The following PDE1C variants were observed in gnomAD, a reference collection of about 807,000 sequenced individuals.
PDE1C encodes dual specificity calcium/calmodulin-dependent 3',5'-cyclic nucleotide phosphodiesterase 1C.
In PDE1C, 62 loss-of-function variants were observed where a neutral mutation model predicts 93.1. The ratio of observed to expected loss-of-function variants is 0.67; its 90% CI spans 0.54 to 0.82. The LOEUF is 0.82. PDE1C is among the 40% of genes least tolerant of loss of function. PDE1C has a pLI of 0.00. For synonymous variants in PDE1C, 325 were observed against 310.1 expected, an observed-to-expected ratio of 1.05 and a Z score of -0.50; for missense variants, 742 against 884.6, an observed-to-expected ratio of 0.84 and a Z score of 2.04.
intron 3 of PDE1C, among the ~76,000 whole-genome samples, chr7:32,124,820 T>G (rs981438404): frequency 6.6e-6 from 1 of 152,146 alleles, no homozygotes; most frequent in African/African-American, 2.4e-5. Flanking sequence ...GGGCAAAGAT[T>G]TCATGATGAA....
intron 15 of PDE1C, among the ~76,000 whole-genome samples, chr7:31,813,356 G>T (rs1583438867): frequency 6.6e-6 from 1 of 152,250 alleles, no homozygotes; most frequent in South Asian, 2.1e-4. Flanking sequence ...CTGCCAGGGT[G>T]CTGGGGTGGG....
chr7:32,007,332 C>G (rs1483842631), intron 2 of PDE1C, among the ~76,000 whole-genome samples: 1 of 152,186 alleles, frequency 6.6e-6, no homozygotes, highest in Admixed American at 6.5e-5. Context: ...AGCACGTCTA[C>G]CACACTGGCC....
chr7:32,386,731 C>G (rs1250378076), intron 1 of PDE1C, among the ~76,000 whole-genome samples: 1 of 149,854 alleles, frequency 6.7e-6, no homozygotes, highest in Non-Finnish European at 1.5e-5. Context: ...TCGCCTCAGC[C>G]TCCCAAAGCA....
chr7:32,317,514 A>G (rs1783199786), intron 1 of PDE1C, among the ~76,000 whole-genome samples: 1 of 151,920 alleles, frequency 6.6e-6, no homozygotes, highest in Non-Finnish European at 1.5e-5. Context: ...CTGGCCCACA[A>G]TTTCCTGAAG....
At chr7:31,875,989 C>G (rs1443187271) in intron 5 of PDE1C, among the ~76,000 whole-genome samples, 2 of 151,280 alleles carry the variant, frequency 1.3e-5, no homozygotes, top group Non-Finnish European at 2.9e-5. Context: ...GAATTGTATT[C>G]TCTCAGTCTT....
chr7:32,182,007 G>C (rs1388580166), intron 2 of PDE1C, among the ~76,000 whole-genome samples: 1 of 152,150 alleles, frequency 6.6e-6, no homozygotes, highest in Admixed American at 6.5e-5. Flanking sequence ...TACCATCAGA[G>C]AATACTATAA....
chr7:32,300,231 T>G (rs17351142), upstream of PDE1C, among the ~76,000 whole-genome samples: 9,813 of 152,282 alleles, frequency 0.064, 428 homozygotes, highest in Non-Finnish European at 0.093. Context: ...TCACCATGTA[T>G]TTTTAAAGAA....
At chr7:31,659,431 T>C in the PDE1C span, among the ~76,000 whole-genome samples, 3 of 152,204 alleles carry the variant, frequency 2.0e-5, no homozygotes, top group African/African-American at 7.2e-5. Flanking sequence ...CCTCACTCTT[T>C]CCCTGTCTGT....
chr7:32,375,829 T>C (rs940065980), intron 1 of PDE1C, among the ~76,000 whole-genome samples: 3 of 152,210 alleles, frequency 2.0e-5, no homozygotes, highest in Admixed American at 2.0e-4. Flanking sequence ...AAGGGATGAA[T>C]TCTTGAAGAC....
At chr7:32,081,695 T>C (rs1796671846) in intron 3 of PDE1C, among the ~76,000 whole-genome samples, 1 of 152,190 alleles carries the variant, frequency 6.6e-6, no homozygotes, top group Non-Finnish European at 1.5e-5. Flanking sequence ...ATTAGTTGGT[T>C]AAGAGAGGAA....
At chr7:32,285,946 AG>A (rs1476022951) in intron 1 of PDE1C, among the ~76,000 whole-genome samples, 9 of 152,202 alleles carry the variant, frequency 5.9e-5, no homozygotes, top group African/African-American at 2.2e-4. Context: ...ACTTGGCCTC[AG>A]CATGTTACTT....
Position 31,865,101 on chromosome 7 carries a change from G to A in PDE1C, c.610-19C>T. 6.2e-7 allele frequency: 1 copy of A among 1,613,762 alleles called. No individual in the cohort carries two copies. The highest frequency in any genetic ancestry group is 8.5e-7 in the Non-Finnish European group (1 of 1,179,760). On this transcript the variant is annotated intron_variant, in intron 6 of 17. Coordinates refer to ENST00000396191, the MANE Select transcript of PDE1C (RefSeq NM_001191057.4). ...TGGGGATCTGAAAGAGAGCAGTAAG[G>A]TTAATTAACTAGTGACTTCACTGCT...
chr7:32,401,128 AAAAATATTTT>A (rs1401640117), intron 1 of PDE1C, among the ~76,000 whole-genome samples: 2 of 152,258 alleles, frequency 1.3e-5, no homozygotes, highest in Non-Finnish European at 2.9e-5. Context: ...CTGAACAAGT[AAAAATATTTT>A]GATATGTACT....
At chr7:31,936,483 T>G (rs562813851) in intron 2 of PDE1C, among the ~76,000 whole-genome samples, 1 of 151,306 alleles carries the variant, frequency 6.6e-6, no homozygotes, top group South Asian at 2.1e-4. Context: ...TATCCCAAAC[T>G]TACAGGCATC....
chr7:31,985,944 T>C (rs1023854566), intron 2 of PDE1C, among the ~76,000 whole-genome samples: 1 of 152,270 alleles, frequency 6.6e-6, no homozygotes, highest in African/African-American at 2.4e-5. Flanking sequence ...CTCATTTGCA[T>C]AACAGGTAGA....
chr7:31,895,899 T>C (rs1290556661), intron 2 of PDE1C, among the ~76,000 whole-genome samples: 1 of 152,138 alleles, frequency 6.6e-6, no homozygotes, highest in Non-Finnish European at 1.5e-5. Context: ...CATGTGGAAC[T>C]GTGAGTCCAT....
At chr7:31,727,370 G>T in the PDE1C span, among the ~76,000 whole-genome samples, 1 of 152,098 alleles carries the variant, frequency 6.6e-6, no homozygotes, top group Non-Finnish European at 1.5e-5. Flanking sequence ...CTTTTTAATA[G>T]TTGCATTATG....
chr7:31,652,747 C>T, the PDE1C span: 2 of 1,613,936 alleles, frequency 1.2e-6, no homozygotes, highest in East Asian at 2.2e-5. Flanking sequence ...ATGTCTCCTT[C>T]ATCATCAGCT....
intron 2 of PDE1C, among the ~76,000 whole-genome samples, chr7:31,921,871 T>C (rs1302761070): frequency 3.9e-5 from 6 of 152,202 alleles, no homozygotes; most frequent in Middle Eastern, 3.2e-3. Context: ...TTGCAGAACA[T>C]TGATGTTGTA....
Sources: gnomAD v4.1 joint callset for allele counts (sites outside exome capture counted in the v4.1 genomes callset) on GRCh38, gnomAD v4.1.1 for gene constraint, MANE v1.5 for transcripts, NCBI Gene and HGNC (gene_info 2026-07-23, HGNC 2026-07-21) for gene names.